The following ACAT2 variants were observed in gnomAD, a reference collection of about 807,000 sequenced individuals.
The protein encoded by ACAT2 is acetyl-CoA acetyltransferase, cytosolic.
In ACAT2, 26 loss-of-function variants were observed where a neutral mutation model predicts 37.1. The ratio of observed to expected loss-of-function variants is 0.70; its 90% CI spans 0.51 to 0.97. The LOEUF (loss-of-function observed/expected upper bound fraction) is 0.97, where lower values mean the gene tolerates loss of function less well. Ranked by LOEUF, ACAT2 falls within the 50% of genes least tolerant of loss-of-function variation. ACAT2 has a pLI of 0.00. For missense variants in ACAT2, 468 were observed against 489.0 expected, an observed-to-expected ratio of 0.96 and a Z score of 0.40; for synonymous variants, 156 against 163.6, an observed-to-expected ratio of 0.95 and a Z score of 0.35.
At chr6:159,763,629 CTTTTTTTT>C (rs765044833) in intron 2 of ACAT2, among the ~76,000 whole-genome samples, 30 of 76,404 alleles carry the variant, frequency 3.9e-4, no homozygotes, top group East Asian at 6.3e-4. Context: ...TTTTCTTTTC[CTTTTTTTT>C]TTTTTTTTTT....
Position 159,778,644 on chromosome 6 carries a change from T to C in ACAT2, c.1024-15T>C. The C allele has an allele frequency of 1.2e-6, 2 of 1,612,200 alleles. No homozygotes were observed. The highest frequency in any genetic ancestry group is 1.7e-6 in the Non-Finnish European group (2 of 1,178,710). ...ACAGAAGAATAAACAATCTAAATCT[T>C]TTCTCCCCCGTTAGGTCAATATTGA... On this transcript the variant is annotated splice_polypyrimidine_tract_variant and intron_variant, in intron 8 of 8. Coordinates refer to ENST00000367048, the MANE Select transcript of ACAT2 (RefSeq NM_005891.3).
rs1583127159 is a variant in ACAT2 at position 159,768,694 on chromosome 6, C to T, written c.490+66C>T. ...GTTAAAAAGACCATATACTAATCTG[C>T]TTCTTAGGTGCTTTCGTCCTTATGG... is the stretch of plus-strand genomic sequence containing the variant. On this transcript the variant is annotated intron_variant, in intron 4 of 8. Coordinates refer to ENST00000367048, the MANE Select transcript of ACAT2 (RefSeq NM_005891.3). 8.8e-6 allele frequency: 10 copies of T among 1,130,522 alleles called. No homozygotes were observed. The East Asian group carries it at 2.4e-4, about 27-fold the overall frequency. 70.0% of individuals were successfully genotyped at this position (1,130,522 alleles called of 1,614,324 possible).
intron 2 of ACAT2, 61 bp from the exon 3 acceptor site, chr6:159,766,944 T>C: frequency 1.3e-6 from 2 of 1,599,804 alleles, no homozygotes; most frequent in Non-Finnish European, 1.7e-6. Context: ...CCACACACTT[T>C]CACTGTGACA....
chr6:159,771,908 CACA>C (rs546836983), intron 4 of ACAT2, among the ~76,000 whole-genome samples: 4 of 151,822 alleles, frequency 2.6e-5, no homozygotes, highest in East Asian at 3.9e-4. Flanking sequence ...AACATAGTGA[CACA>C]ACAACAACAA....
chr6:159,764,175 C>T (rs1400485576), intron 2 of ACAT2, among the ~76,000 whole-genome samples: 1 of 152,080 alleles, frequency 6.6e-6, no homozygotes, highest in Non-Finnish European at 1.5e-5. Flanking sequence ...CTCCTTACTA[C>T]CTCAAAGTGT....
intron 4 of ACAT2, among the ~76,000 whole-genome samples, chr6:159,773,449 G>GA: frequency 6.6e-6 from 1 of 152,212 alleles, no homozygotes; most frequent in Admixed American, 6.5e-5. Flanking sequence ...CAAGGCTAGG[G>GA]AAAAAATGCT....
In ACAT2 at chr6:159,777,314, G is replaced by A; in HGVS notation, c.770G>A (p.Gly257Asp). ...TPANASGIND[G>D]AAAVVLMKKS... ...TCATATTTTACAGGAATAAATGATGGTGCTGCAGCTGTCGTTCTTATGAAG... is the reference window on the plus strand; with the variant it reads ...TCATATTTTACAGGAATAAATGATGATGCTGCAGCTGTCGTTCTTATGAAG... Residue 257 changes from glycine to aspartate, a missense_variant, in exon 7 of 9, where the codon GGT becomes GAT. Physicochemically the swap from Gly to Asp is moderately conservative, Grantham distance 94. Transcript: ENST00000367048. 2 of 1,613,386 alleles carry A rather than the reference G, an allele frequency of 1.2e-6. No homozygotes were observed. The highest frequency in any genetic ancestry group is 1.7e-6 in the Non-Finnish European group (2 of 1,179,728).
chr6:159,763,116 ACACACACACTCT>A (rs1195954722), intron 2 of ACAT2, 63 bp downstream of exon 2: 1 of 1,551,946 alleles, frequency 6.4e-7, no homozygotes, highest in Non-Finnish European at 8.7e-7. Context: ...ACACACACAC[ACACACACACTCT>A]CACACACTCA....
At chr6:159,763,682 C>G (rs1780201823) in intron 2 of ACAT2, among the ~76,000 whole-genome samples, 2 of 119,734 alleles carry the variant, frequency 1.7e-5, no homozygotes. Flanking sequence ...CTCTGTGGCC[C>G]AGGCTGGAGT....
chr6:159,763,832 T>G (rs1309535205), intron 2 of ACAT2, among the ~76,000 whole-genome samples: 2 of 151,154 alleles, frequency 1.3e-5, no homozygotes, highest in Non-Finnish European at 2.9e-5. Flanking sequence ...CCGGGCCCGG[T>G]GGCTCACGCC....
chr6:159,762,311 C>T (rs911396988), intron 1 of ACAT2, 169 bp downstream of exon 1: 18 of 1,215,706 alleles, frequency 1.5e-5, no homozygotes, highest in Non-Finnish European at 1.8e-5. Context: ...GTTCCCTGAC[C>T]TGGTGCTACA....
intron 4 of ACAT2, among the ~76,000 whole-genome samples, chr6:159,773,897 T>G (rs1404060711): frequency 6.6e-6 from 1 of 152,070 alleles, no homozygotes; most frequent in Non-Finnish European, 1.5e-5. Context: ...AATGTTGGAG[T>G]TAGAAAGTCA....
In ACAT2 at chr6:159,779,088, C is replaced by G. The variant is rs1463323035; in HGVS notation, c.*259C>G. Reference sequence around the variant, plus strand: ...AGAGTGAACAGCATCTTCATAACTTCCATGTTTATCATCTTTACTTTCTGG... The same window carrying G: ...AGAGTGAACAGCATCTTCATAACTTGCATGTTTATCATCTTTACTTTCTGG... On this transcript the variant is annotated 3_prime_UTR_variant, in exon 9 of 9. Transcript: ENST00000367048. 1.2e-6 allele frequency: 2 copies of G among 1,613,932 alleles called. No homozygotes were observed. Among genetic ancestry groups the G allele is most frequent in the Non-Finnish European group, 1.7e-6 (2 of 1,179,970 alleles).
Position 159,778,257 on chromosome 6 carries a change from G to T in ACAT2, c.1000G>T (p.Glu334Ter), listed in dbSNP as rs199875812. 1 of 1,609,954 alleles carries T rather than the reference G, an allele frequency of 6.2e-7. No homozygotes were observed. ...FAAVSAAIVKELGLNPEKVNI... is the reference protein window; with the variant it reads ...FAAVSAAIVK ...AGCTGTCTCTGCTGCAATAGTTAAA[G>T]AACTTGGATTAAACCCAGAGAAGGT... The change falls in exon 8 of 9, where the codon GAA becomes TAA. Residue 334 changes from glutamate to a stop codon, truncating the protein, a stop_gained. Transcript: ENST00000367048. LOFTEE classifies it high-confidence loss of function.
In ACAT2 at chr6:159,762,113, T is replaced by G; in HGVS notation, c.26T>G (p.Val9Gly). Reference protein sequence around the residue: MNAGSDPVVIVSAARTIIG... With the variant: MNAGSDPVGIVSAARTIIG... ...ATGAATGCAGGCTCAGATCCTGTGG[T>G]CATCGTCTCGGCGGCGCGGACCATC... The change falls in exon 1 of 9, where the codon GTC becomes GGC. Residue 9 changes from valine (V) to glycine (G), a missense_variant. Physicochemically the swap from Val to Gly is moderately radical, Grantham distance 109 (BLOSUM62 -3). Coordinates refer to ENST00000367048, the MANE Select transcript of ACAT2 (RefSeq NM_005891.3). 6.2e-7 allele frequency: 1 copy of G among 1,613,032 alleles called. No individual in the cohort carries two copies. Among genetic ancestry groups the G allele is most frequent in the Non-Finnish European group, 8.5e-7 (1 of 1,179,506 alleles).
intron 2 of ACAT2, 85 bp downstream of exon 2, chr6:159,763,138 A>G (rs1780184255): frequency 2.0e-6 from 3 of 1,507,784 alleles, no homozygotes; most frequent in Non-Finnish European, 2.7e-6. Context: ...TCACACACTC[A>G]CACACTCTCT....
At chr6:159,772,719 A>G (rs1286468142) in intron 4 of ACAT2, among the ~76,000 whole-genome samples, 1 of 151,918 alleles carries the variant, frequency 6.6e-6, no homozygotes, top group Non-Finnish European at 1.5e-5. Context: ...TGAGGCCAGC[A>G]GTTTGAGGTT....
At chr6:159,778,366 T>C in intron 8 of ACAT2, 86 bp downstream of exon 8, 1 of 863,754 alleles carries the variant, frequency 1.2e-6, no homozygotes, top group Non-Finnish European at 1.7e-6. Context: ...GTTGGCCATG[T>C]GGGTAATAGT....
At chr6:159,762,273 G>A in intron 1 of ACAT2, 131 bp downstream of exon 1, 3 of 1,301,698 alleles carry the variant, frequency 2.3e-6, no homozygotes, top group Non-Finnish European at 2.1e-6. Flanking sequence ...GAGGAGCCGC[G>A]GGATCCCTGG....
Sources: gnomAD v4.1 joint callset for allele counts (sites outside exome capture counted in the v4.1 genomes callset) on GRCh38, gnomAD v4.1.1 for gene constraint, MANE v1.5 for transcripts, NCBI Gene and HGNC (gene_info 2026-07-23, HGNC 2026-07-21) for gene names.